BTN3A2: variants seen among roughly 807,000 people sequenced by gnomAD.
BTN3A2 encodes butyrophilin subfamily 3 member A2, also known as butyrophilin protein.
A neutral mutation model predicts 37.6 loss-of-function variants in BTN3A2; 25 were observed. The ratio of observed to expected loss-of-function variants is 0.66; its 90% CI spans 0.48 to 0.93. The LOEUF (loss-of-function observed/expected upper bound fraction) is 0.93, where lower values mean the gene tolerates loss of function less well. BTN3A2 is among the 40% of genes least tolerant of loss of function. BTN3A2 has a pLI of 0.00. For synonymous variants in BTN3A2, 122 were observed against 159.4 expected (o/e 0.77, Z 1.77); for missense variants, 266 against 410.9 (o/e 0.65, Z 3.05).
rs537513588 is a variant in BTN3A2 at position 26,375,390 on chromosome 6, C to T, written c.*35-407C>T. 4.8e-5 allele frequency: 20 copies of T among 417,060 alleles called. No homozygotes were observed. In the Admixed American group the frequency reaches 4.9e-4, roughly 10 times the overall value. The allele number at this position is 417,060 out of a possible 1,614,324, so 25.8% of individuals were successfully genotyped here. ...GAACCCAGAGAAAGAGGTAGCTTAA[C>T]GAGGGAGCTTCCTGAGAAGAGTCCT... On this transcript the variant is annotated intron_variant, in intron 10 of 10. Coordinates refer to ENST00000377708, the MANE Select transcript of BTN3A2 (RefSeq NM_007047.5).
At chr6:26,365,402 C>A (rs1761953433) in intron 1 of BTN3A2, 50 bp downstream of exon 1, 2 of 1,532,090 alleles carry the variant, frequency 1.3e-6, no homozygotes, top group East Asian at 2.4e-5. Flanking sequence ...ATGGGAGGAG[C>A]GGGGCTGAAT....
chr6:26,374,221 A>C (rs1420386629), intron 8 of BTN3A2, 106 bp from the exon 9 acceptor site: 2 of 351,482 alleles, frequency 5.7e-6, no homozygotes, highest in Non-Finnish European at 1.0e-5. Context: ...AAAAAAAAAA[A>C]AAAAAAAAAA....
chr6:26,373,509 G>A (rs1215855146), intron 8 of BTN3A2, 96 bp downstream of exon 8: 2 of 1,434,174 alleles, frequency 1.4e-6, no homozygotes, highest in Non-Finnish European at 9.3e-7. Flanking sequence ...GGGTTGAAAA[G>A]TGGTCTTGGA....
intron 8 of BTN3A2, 42 bp from the exon 9 acceptor site, chr6:26,374,285 A>G: frequency 6.4e-7 from 1 of 1,554,564 alleles, no homozygotes; most frequent in Non-Finnish European, 8.8e-7. Context: ...AACACAGAAA[A>G]GGCAGAGTTC....
intron 4 of BTN3A2, among the ~76,000 whole-genome samples, chr6:26,369,172 G>T (rs1759841974): frequency 6.6e-6 from 1 of 152,196 alleles, no homozygotes; most frequent in South Asian, 2.1e-4. Flanking sequence ...AAGGACGAGG[G>T]ATAGGAAGCA....
At position 26,376,449 on chromosome 6, in the gene BTN3A2, G is replaced by C. The variant is rs906351229; in HGVS notation, c.*687G>C. 1 of 812,518 alleles carries C rather than the reference G, an allele frequency of 1.2e-6. No homozygotes were observed. Among genetic ancestry groups the C allele is most frequent in the African/African-American group, 1.8e-5 (1 of 56,752 alleles). 50.3% of individuals were successfully genotyped at this position (812,518 alleles called of 1,614,324 possible). On this transcript the variant is annotated 3_prime_UTR_variant, in exon 11 of 11. Coordinates refer to ENST00000377708, the MANE Select transcript of BTN3A2 (RefSeq NM_007047.5). ...GACATTGATGAGAGAATCACATTCA[G>C]GGCAGGCTAGGGACACGGGGTTCTG... is the stretch of plus-strand genomic sequence containing the variant.
intron 8 of BTN3A2, chr6:26,373,990 A>G (rs1760418521): frequency 4.1e-6 from 1 of 243,640 alleles, no homozygotes; most frequent in Non-Finnish European, 7.7e-6. Flanking sequence ...AGAAGGATGA[A>G]TCTTGTACTC....
At chr6:26,374,138 A>T (rs766240965) in intron 8 of BTN3A2, 189 bp from the exon 9 acceptor site, 2 of 513,822 alleles carry the variant, frequency 3.9e-6, no homozygotes, top group Admixed American at 3.8e-5. Context: ...CAGACTTGAT[A>T]TTAAGAAGAG....
chr6:26,373,929 A>T (rs556369582), intron 8 of BTN3A2: 22 of 188,264 alleles, frequency 1.2e-4, no homozygotes, highest in Non-Finnish European at 2.2e-4. Flanking sequence ...GAAATTGCTC[A>T]TTAAATTTCC....
intron 9 of BTN3A2, 198 bp from the exon 10 acceptor site, chr6:26,374,572 AC>A: frequency 1.3e-5 from 11 of 821,514 alleles, no homozygotes; most frequent in South Asian, 5.3e-5. Flanking sequence ...TGCATCCTGC[AC>A]CCCCCATGAC....
Position 26,368,754 on chromosome 6 carries a change from C to T in BTN3A2, c.275C>T (p.Pro92Leu), listed in dbSNP as rs369213232. The stretch of plus-strand genomic sequence containing the variant: ...GAAGTGGAAGACAGGCAGAGTGCAC[C>T]GTATCGAGGGAGAACTTCGATTCTG... ...GKEVEDRQSAPYRGRTSILRD... is the reference protein window; with the variant it reads ...GKEVEDRQSALYRGRTSILRD... Residue 92 changes from proline to leucine, a missense_variant, in exon 4 of 11, where the codon CCG becomes CTG. Pro to Leu is a moderately conservative substitution (Grantham distance 98). Coordinates refer to ENST00000377708, the MANE Select transcript of BTN3A2 (RefSeq NM_007047.5). 2.7e-5 allele frequency: 44 copies of T among 1,612,410 alleles called. No homozygotes were observed. The highest frequency in any genetic ancestry group is 3.4e-5 in the Non-Finnish European group (40 of 1,179,794).
chr6:26,374,815 A>T lies in BTN3A2; in HGVS notation c.*34+17A>T. 6.6e-7 allele frequency: 1 copy of T among 1,515,834 alleles called. No homozygotes were observed. 93.9% of individuals were successfully genotyped at this position (1,515,834 alleles called of 1,614,324 possible). The stretch of plus-strand genomic sequence containing the variant: ...TCAAGCCTGGTGAGTAAATCACTGC[A>T]TGTTCCCTGGACCAACAACCTGAGG... On this transcript the variant is annotated intron_variant, in intron 10 of 10. Coordinates refer to ENST00000377708, the MANE Select transcript of BTN3A2 (RefSeq NM_007047.5).
intron 8 of BTN3A2, 156 bp downstream of exon 8, chr6:26,373,569 C>T (rs1760368661): frequency 1.8e-6 from 1 of 561,718 alleles, no homozygotes; most frequent in Admixed American, 4.0e-5. Flanking sequence ...GAGAAACCAC[C>T]CAGTGCTTTT....
At chr6:26,374,201 T>TAAA (rs34655395) in intron 8 of BTN3A2, 126 bp from the exon 9 acceptor site, 10 of 246,804 alleles carry the variant, frequency 4.1e-5, no homozygotes, top group African/African-American at 4.0e-4. Context: ...GGTGGGATGG[T>TAAA]AAAAAAAAAA....
Position 26,365,474 on chromosome 6 carries a change from CTGTGTGTGTGTGTGTGTG to C in BTN3A2, c.-67+148_-67+165del, listed in dbSNP as rs55949951. The C allele has an allele frequency of 1.6e-3, 887 of 550,848 alleles. 3 individuals are homozygous for C. The highest frequency in any genetic ancestry group is 6.2e-3 in the African/African-American group (297 of 48,288). The allele number at this position is 550,848 out of a possible 1,614,324, so 34.1% of individuals were successfully genotyped here. A position where few individuals can be genotyped will look rare whatever the true frequency, so the allele number is the denominator to read the frequency against. ...TCTCCCAGAGAAAGGGGTGCAGTGC[CTGTGTGTGTGTGTGTGTG>C]TGTGTGTGTGTGTGTGTGTGTGTGT... On this transcript the variant is annotated intron_variant, in intron 1 of 10. Coordinates refer to ENST00000377708, the MANE Select transcript of BTN3A2 (RefSeq NM_007047.5).
Position 26,367,198 on chromosome 6 carries a change from T to A in BTN3A2, c.-66-792T>A, listed in dbSNP as rs559976274. 4.6e-4 allele frequency among the ~76,000 whole-genome samples: 70 copies of A among 152,368 alleles called. No homozygotes were observed. The South Asian group carries it at 0.013, about 29-fold the overall frequency. ...GTGACATTAAATCACTCTTTTTAAC[T>A]GCTGCATTGAATTTCCTCCTAGGGA... On this transcript the variant is annotated intron_variant, in intron 1 of 10. Transcript: ENST00000377708.
intron 1 of BTN3A2, among the ~76,000 whole-genome samples, chr6:26,367,203 C>T (rs766936385): frequency 3.3e-4 from 50 of 152,228 alleles, no homozygotes; most frequent in Non-Finnish European, 5.7e-4. Context: ...TTAACTGCTG[C>T]ATTGAATTTC....
Position 26,374,201 on chromosome 6 carries a change from TAAAAAAAAAAAAAAAAA to T in BTN3A2, c.965-103_965-87del, listed in dbSNP as rs34655395. 427 of 246,720 alleles carry T rather than the reference TAAAAAAAAAAAAAAAAA, an allele frequency of 1.7e-3. 2 individuals carry two copies. Among genetic ancestry groups the T allele is most frequent in the Admixed American group, 4.5e-3 (42 of 9,368 alleles). 15.3% of individuals were successfully genotyped at this position (246,720 alleles called of 1,614,324 possible). ...GAGACCATGGGGAAGGGTGGGATGG[TAAAAAAAAAAAAAAAAA>T]AAAAAAAAAAAAAAAAAAAAAAGAC... On this transcript the variant is annotated intron_variant, in intron 8 of 10. Coordinates refer to ENST00000377708, the MANE Select transcript of BTN3A2 (RefSeq NM_007047.5).
chr6:26,373,651 G>T (rs1345589901), intron 8 of BTN3A2: 3 of 417,306 alleles, frequency 7.2e-6, no homozygotes, highest in Admixed American at 4.1e-5. Context: ...AGACCCTTAA[G>T]CTCTAAAAAG....
Sources: allele counts gnomAD v4.1 joint callset (sites outside exome capture counted in the v4.1 genomes callset), GRCh38; gene constraint gnomAD v4.1.1; transcripts MANE v1.5; gene names NCBI Gene and HGNC (gene_info 2026-07-23, HGNC 2026-07-21).